The following KCNH1 variants were observed in gnomAD, a reference collection of about 807,000 sequenced individuals.
KCNH1 encodes the protein potassium voltage-gated channel subfamily H member 1, also known as voltage-gated delayed rectifier potassium channel KCNH1.
A neutral mutation model predicts 69.2 loss-of-function variants in KCNH1; 27 were observed. That is an observed-to-expected ratio of 0.39 (90% CI 0.29 to 0.54). The LOEUF (loss-of-function observed/expected upper bound fraction) is 0.54. Among genes scored for constraint, KCNH1 ranks in the 20% least tolerant of loss-of-function variants. KCNH1 has a pLI of 0.68. For missense variants in KCNH1, 798 were observed against 1,261.6 expected, an observed-to-expected ratio of 0.63 and a Z score of 5.57; for synonymous variants, 456 against 487.7, an observed-to-expected ratio of 0.93 and a Z score of 0.86.
chr1:210,935,636 A>T (rs1325872068), intron 6 of KCNH1, among the ~76,000 whole-genome samples: 1 of 152,244 alleles, frequency 6.6e-6, no homozygotes, highest in African/African-American at 2.4e-5. Context: ...TTATGTGCCA[A>T]TTAAAAATAA....
intron 5 of KCNH1, among the ~76,000 whole-genome samples, chr1:211,045,061 A>ATATATATATATAT (rs1690072423): frequency 6.2e-5 from 2 of 32,152 alleles, no homozygotes; most frequent in Admixed American, 2.8e-4. Flanking sequence ...TATATATATG[A>ATATATATATATAT]ATAATAGAAT....
At chr1:211,109,883 C>T (rs552341368) in intron 1 of KCNH1, among the ~76,000 whole-genome samples, 32 of 150,406 alleles carry the variant, frequency 2.1e-4, no homozygotes, top group Non-Finnish European at 4.1e-4. Context: ...AAAACAAAAA[C>T]AGAATGCTAT....
chr1:210,734,688 C>A (rs1682830855), intron 10 of KCNH1, among the ~76,000 whole-genome samples: 1 of 151,968 alleles, frequency 6.6e-6, no homozygotes, highest in Non-Finnish European at 1.5e-5. Flanking sequence ...AAGATGCCAC[C>A]CCCCTTGGCA....
At chr1:210,825,077 A>G (rs1256399327) in intron 7 of KCNH1, among the ~76,000 whole-genome samples, 1 of 152,228 alleles carries the variant, frequency 6.6e-6, no homozygotes, top group Non-Finnish European at 1.5e-5. Context: ...ATCATTGGCA[A>G]CAAATACTTT....
chr1:211,122,537 T>C (rs2102498735), intron 1 of KCNH1, among the ~76,000 whole-genome samples: 1 of 152,334 alleles, frequency 6.6e-6, no homozygotes, highest in Non-Finnish European at 1.5e-5. Flanking sequence ...GCATGTTTAT[T>C]GCAGCACTAT....
intron 9 of KCNH1, among the ~76,000 whole-genome samples, chr1:210,780,186 A>G (rs1008214801): frequency 6.6e-6 from 1 of 152,156 alleles, no homozygotes; most frequent in Non-Finnish European, 1.5e-5. Flanking sequence ...TCTGAACCCT[A>G]CAACTAAGTC....
chr1:210,730,129 T>C (rs1025891812), intron 10 of KCNH1, among the ~76,000 whole-genome samples: 1 of 152,162 alleles, frequency 6.6e-6, no homozygotes, highest in Non-Finnish European at 1.5e-5. Flanking sequence ...AAGATTAAAA[T>C]AGTTTCCTCA....
intron 10 of KCNH1, among the ~76,000 whole-genome samples, chr1:210,718,687 C>T (rs925156296): frequency 8.9e-6 from 1 of 112,360 alleles, no homozygotes; most frequent in East Asian, 2.3e-4. Flanking sequence ...CACACACACA[C>T]ACACATATAT....
At chr1:210,826,283 G>A (rs989495114) in intron 7 of KCNH1, among the ~76,000 whole-genome samples, 2 of 152,114 alleles carry the variant, frequency 1.3e-5, no homozygotes, top group Non-Finnish European at 2.9e-5. Context: ...CAGTAGGCGA[G>A]CTCTGAGCTT....
rs535036481 is a variant in KCNH1 at position 210,750,859 on chromosome 1, A to G, written c.2112+24489T>C. Among the ~76,000 whole-genome samples, 6 of 152,132 alleles carry G rather than the reference A, an allele frequency of 3.9e-5. No individual in the cohort carries two copies. The South Asian group carries it at 1.2e-3, about 32-fold the overall frequency. ...CAAGTTTGGGATGACTCTTAAAAAT[A>G]TGAGAGCTCATCTAATGTTCTCATT... On this transcript the variant is annotated intron_variant, in intron 10 of 10. Transcript: ENST00000271751.
chr1:210,955,723 G>A lies in KCNH1; in HGVS notation c.1033-35654C>T, dbSNP rs1574359741. On this transcript the variant is annotated intron_variant, in intron 6 of 10. Transcript: ENST00000271751. The stretch of plus-strand genomic sequence containing the variant: ...CTGTTTGTCTGTTGTTGGTGTATAG[G>A]AATCCTTGTGATTTTTGCACATTGA... Among the ~76,000 whole-genome samples, 3 of 151,758 alleles carry A rather than the reference G, an allele frequency of 2.0e-5. No homozygotes were observed. The South Asian group carries it at 6.2e-4, about 32-fold the overall frequency.
chr1:210,985,322 T>A (rs1346127164), intron 6 of KCNH1, among the ~76,000 whole-genome samples: 1 of 152,218 alleles, frequency 6.6e-6, no homozygotes, highest in East Asian at 1.9e-4. Flanking sequence ...TGCCTTCTGC[T>A]AGCTTTTGAA....
intron 7 of KCNH1, among the ~76,000 whole-genome samples, chr1:210,819,042 T>G (rs1054275036): frequency 6.6e-6 from 1 of 152,186 alleles, no homozygotes; most frequent in Non-Finnish European, 1.5e-5. Context: ...AGTTAAAGTA[T>G]TTTAATATGT....
intron 5 of KCNH1, among the ~76,000 whole-genome samples, chr1:211,037,033 A>C (rs1689912465): frequency 6.6e-6 from 1 of 152,228 alleles, no homozygotes; most frequent in Non-Finnish European, 1.5e-5. Context: ...GGAAGGAAAA[A>C]AGGGTTTTTC....
chr1:210,859,331 C>A, intron 7 of KCNH1: 1 of 1,525,814 alleles, frequency 6.6e-7, no homozygotes, highest in African/African-American at 1.4e-5. Context: ...TTTCTTTGTT[C>A]TTCATTAAGA....
chr1:210,809,899 G>C (rs892472675), intron 7 of KCNH1, among the ~76,000 whole-genome samples: 6 of 150,320 alleles, frequency 4.0e-5, no homozygotes, highest in South Asian at 2.1e-4. Flanking sequence ...AGTTTCCAAG[G>C]CTTCTCTGAA....
At chr1:210,895,049 A>AACTTCATT (rs1419056456) in intron 7 of KCNH1, among the ~76,000 whole-genome samples, 11 of 152,178 alleles carry the variant, frequency 7.2e-5, no homozygotes, top group Non-Finnish European at 1.6e-4. Context: ...TCATAGGGCT[A>AACTTCATT]ACTTCATTTA....
In KCNH1 at chr1:210,684,088, C is replaced by T. The variant is rs746527925; in HGVS notation, c.2163G>A (p.Met721Ile). 6.6e-7 allele frequency: 1 copy of T among 1,517,364 alleles called. No individual in the cohort carries two copies. The highest frequency in any genetic ancestry group is 8.8e-7 in the Non-Finnish European group (1 of 1,132,914). 94.0% of individuals were successfully genotyped at this position (1,517,364 alleles called of 1,614,324 possible). A position where few individuals can be genotyped will look rare whatever the true frequency, so the allele number is the denominator to read the frequency against. Residue 721 changes from methionine to isoleucine, a missense_variant, in exon 11 of 11, where the codon ATG becomes ATA. By Grantham distance (10) the Met-to-Ile change is conservative. Coordinates refer to ENST00000271751, the MANE Select transcript of KCNH1 (RefSeq NM_172362.3). ...SDVKREEEER[M>I]KRKNEAPLIL... ...TCAGGGGGGCCTCATTCTTTCGTTT[C>T]ATGCGTTCTTCCTCTTCACGTTTCA...
intron 10 of KCNH1, among the ~76,000 whole-genome samples, chr1:210,749,704 T>C (rs1683238452): frequency 6.6e-6 from 1 of 151,524 alleles, no homozygotes; most frequent in South Asian, 2.1e-4. Context: ...AGTGGAATGT[T>C]GTGAGGACCC....
Sources: allele counts gnomAD v4.1 joint callset (sites outside exome capture counted in the v4.1 genomes callset), GRCh38; gene constraint gnomAD v4.1.1; transcripts MANE v1.5; gene names NCBI Gene and HGNC (gene_info 2026-07-23, HGNC 2026-07-21).